Variants in MEGF8 observed in about 807,000 individuals in gnomAD.
The protein encoded by MEGF8 is multiple epidermal growth factor-like domains protein 8.
In MEGF8, 156 loss-of-function variants were observed where a neutral mutation model predicts 302.9. That is an observed-to-expected ratio of 0.52 (90% CI 0.45 to 0.59). The LOEUF (loss-of-function observed/expected upper bound fraction) is 0.59. MEGF8 is among the 20% of genes least tolerant of loss of function. The pLI is 0.00. For synonymous variants in MEGF8, 1,621 were observed against 1,660.5 expected (o/e 0.98, Z 0.58); for missense variants, 3,345 against 3,964.5 (o/e 0.84, Z 4.20).
chr19:42,377,649 T>C lies in MEGF8; in HGVS notation c.*874T>C, dbSNP rs1370155296. On this transcript the variant is annotated 3_prime_UTR_variant, in exon 42 of 42. Transcript: ENST00000251268. ...TAAAAATACAAAAATTAGCTGGGCA[T>C]GGTGGCACACACTTGTAGTCCGAGC... The C allele has an allele frequency of 6.6e-6, 1 of 152,234 alleles. No individual in the cohort carries two copies. Among genetic ancestry groups the C allele is most frequent in the Non-Finnish European group, 1.5e-5 (1 of 68,142 alleles). 9.4% of individuals were successfully genotyped at this position (152,234 alleles called of 1,614,324 possible). A position where few individuals can be genotyped will look rare whatever the true frequency, so the allele number is the denominator to read the frequency against.
intron 31 of MEGF8, 74 bp downstream of exon 31, chr19:42,359,316 A>C: frequency 7.3e-7 from 1 of 1,376,392 alleles, no homozygotes; most frequent in South Asian, 1.7e-5. Flanking sequence ...TGGGACTCCC[A>C]CTCCTTAGGA....
chr19:42,363,255 T>G lies in MEGF8; in HGVS notation c.6266T>G (p.Leu2089Arg). 6.3e-7 allele frequency: 1 copy of G among 1,594,178 alleles called. No homozygotes were observed. The change falls in exon 35 of 42, where the codon CTG becomes CGG. Residue 2089 changes from leucine (L) to arginine (R), a missense_variant. By Grantham distance (102) the Leu-to-Arg change is moderately radical (BLOSUM62 -2). Coordinates refer to ENST00000251268, the MANE Select transcript of MEGF8 (RefSeq NM_001271938.2). ...GWQHCVWSSSLQQCLSPSYLP... is the reference protein window; with the variant it reads ...GWQHCVWSSSRQQCLSPSYLP... The stretch of plus-strand genomic sequence containing the variant: ...CAGCACTGTGTTTGGAGCAGCAGCC[T>G]GCAGCAGGTACTGCACCTGGCCAGG...
At chr19:42,341,620 T>C (rs947192318) in intron 8 of MEGF8, among the ~76,000 whole-genome samples, 3 of 152,138 alleles carry the variant, frequency 2.0e-5, no homozygotes, top group Admixed American at 1.3e-4. Context: ...AAAATATTTT[T>C]GTTTTTTAGA....
chr19:42,335,070 G>A lies in MEGF8; in HGVS notation c.594G>A (p.Leu198=), dbSNP rs746838623. The change falls in exon 4 of 42, where the codon TTG becomes TTA. Residue 198 remains leucine, a synonymous_variant. Transcript: ENST00000251268. ...CATGCCGCTGTGAGCCTGGCTTCTT[G>A]GGACGTGCCTGTGACCTGCACCTGT... ...LGPCRCEPGF[L]GRACDLHLWE... is the part of the protein sequence containing the mutation. 6.2e-7 allele frequency: 1 copy of A among 1,613,642 alleles called. No individual in the cohort carries two copies. Among genetic ancestry groups the A allele is most frequent in the South Asian group, 1.1e-5 (1 of 91,064 alleles).
In MEGF8 at chr19:42,368,020, CA is replaced by C. The variant is rs1473613434; in HGVS notation, c.6274-429del. 2.0e-5 allele frequency among the ~76,000 whole-genome samples: 3 copies of C among 152,102 alleles called. No individual in the cohort carries two copies. Among genetic ancestry groups the C allele is most frequent in the Non-Finnish European group, 2.9e-5 (2 of 68,020 alleles). ...CATTGCAGCCTCAAACTCCCGGGCT[CA>C]AAAAATCCTACCTCAGCCCCCCAGG... is the stretch of plus-strand genomic sequence containing the variant. On this transcript the variant is annotated intron_variant, in intron 35 of 41. Coordinates refer to ENST00000251268, the MANE Select transcript of MEGF8 (RefSeq NM_001271938.2). This position sits in a 1 kb window ranked among gnomAD's most constrained non-coding sequence, Gnocchi z 4.9.
rs769985720 is a variant in MEGF8, at chr19:42,351,179, A to C, written c.2737-37A>C. ...ACTGGGAGTCCAAAGGAAAGGGCTGAGTGGGGTTCTGACTCCTCTGCCCAA... is the reference window on the plus strand; with the variant it reads ...ACTGGGAGTCCAAAGGAAAGGGCTGCGTGGGGTTCTGACTCCTCTGCCCAA... On this transcript the variant is annotated intron_variant, in intron 15 of 41. Transcript: ENST00000251268. The surrounding 1 kb of genome is among the most constrained non-coding windows in gnomAD (Gnocchi z 5.6). The C allele has an allele frequency of 3.3e-5, 51 of 1,527,860 alleles. No homozygotes were observed. The highest frequency in any genetic ancestry group is 4.5e-5 in the Non-Finnish European group (51 of 1,127,836). The allele number at this position is 1,527,860 out of a possible 1,614,324, so 94.6% of individuals were successfully genotyped here. A position where few individuals can be genotyped will look rare whatever the true frequency, so the allele number is the denominator to read the frequency against.
At chr19:42,337,279 C>T in intron 8 of MEGF8, 73 bp downstream of exon 8, 1 of 1,596,696 alleles carries the variant, frequency 6.3e-7, no homozygotes, top group Non-Finnish European at 8.5e-7. Context: ...TGGGCTCAAG[C>T]CACCTCAGTC....
At chr19:42,349,794 C>T (rs2039342584) in intron 14 of MEGF8, 95 bp downstream of exon 14, 1 of 1,342,204 alleles carries the variant, frequency 7.5e-7, no homozygotes, top group South Asian at 1.3e-5. Flanking sequence ...TCTGAAATCC[C>T]TAGATTCTGG....
At position 42,357,407 on chromosome 19, in the gene MEGF8, C is replaced by T. The variant is rs746827747; in HGVS notation, c.4834C>T (p.Pro1612Ser). 5.0e-6 allele frequency: 8 copies of T among 1,613,056 alleles called. No homozygotes were observed. In the South Asian group the frequency reaches 7.7e-5, roughly 16 times the overall value. Residue 1612 changes from proline (P) to serine (S), a missense_variant, in exon 28 of 42, where the codon CCC (proline) becomes TCC (serine). Physicochemically the swap from Pro to Ser is moderately conservative, Grantham distance 74. Coordinates refer to ENST00000251268, the MANE Select transcript of MEGF8 (RefSeq NM_001271938.2). This position sits in a 1 kb window ranked among gnomAD's most constrained non-coding sequence, Gnocchi z 5.2. ...ACCTTGCCCCTCCATCCCTCAGGCC[C>T]CCCAGACCGTGGAGCTGCCAGCCGT... is the stretch of plus-strand genomic sequence containing the variant. ...TTLQWRQEKA[P>S]QTVELPAVAG...
chr19:42,337,237 C>T, intron 8 of MEGF8, 31 bp downstream of exon 8: 1 of 1,612,056 alleles, frequency 6.2e-7, no homozygotes. Context: ...CCTAGGGGCT[C>T]CTGAGGGTCC....
In MEGF8 at chr19:42,351,633, C is replaced by A; in HGVS notation, c.2988-15C>A. On this transcript the variant is annotated splice_polypyrimidine_tract_variant and intron_variant, in intron 17 of 41. Coordinates refer to ENST00000251268, the MANE Select transcript of MEGF8 (RefSeq NM_001271938.2). The surrounding 1 kb of genome is among the most constrained non-coding windows in gnomAD (Gnocchi z 5.6). ...AGGGGCTGGGGCTCTGACCCCCACC[C>A]CTGCCATCCTGCAGTGTACACTCGG... 1 of 1,590,206 alleles carries A rather than the reference C, an allele frequency of 6.3e-7. No homozygotes were observed.
In MEGF8 at chr19:42,343,990, A is replaced by G; in HGVS notation, c.1705A>G (p.Ser569Gly). Residue 569 changes from serine to glycine, a missense_variant, in exon 10 of 42, where the codon AGC becomes GGC. Transcript: ENST00000251268. ...CTACTGCTCCATGTACACAGACCAC[A>G]GCGTCTGCTCCCGGGACCCGGAATG... ...LDYCSMYTDH[S>G]VCSRDPECSW... 6.2e-7 allele frequency: 1 copy of G among 1,613,704 alleles called. No individual in the cohort carries two copies. Among genetic ancestry groups the G allele is most frequent in the South Asian group, 1.1e-5 (1 of 91,078 alleles).
At chr19:42,372,680 A>C (rs2039708935) in intron 41 of MEGF8, among the ~76,000 whole-genome samples, 1 of 151,594 alleles carries the variant, frequency 6.6e-6, no homozygotes, top group Non-Finnish European at 1.5e-5. Context: ...AATTTAATTT[A>C]ATTTTTTTTG....
chr19:42,356,762 C>T lies in MEGF8; in HGVS notation c.4623-12C>T, dbSNP rs1289693306. 2 of 1,537,982 alleles carry T rather than the reference C, an allele frequency of 1.3e-6. No individual in the cohort carries two copies. The highest frequency in any genetic ancestry group is 2.4e-5 in the South Asian group (2 of 82,718). On this transcript the variant is annotated splice_polypyrimidine_tract_variant and intron_variant, in intron 26 of 41. Coordinates refer to ENST00000251268, the MANE Select transcript of MEGF8 (RefSeq NM_001271938.2). This position sits in a 1 kb window ranked among gnomAD's most constrained non-coding sequence, Gnocchi z 5.2. The stretch of plus-strand genomic sequence containing the variant: ...ACTGTAATGAGGCTGCTTTTTTGCA[C>T]CCTGGCCCCAGGTACTCAGTGAGTG...
At chr19:42,342,972 C>T (rs998235997) in intron 8 of MEGF8, among the ~76,000 whole-genome samples, 1 of 152,148 alleles carries the variant, frequency 6.6e-6, no homozygotes, top group South Asian at 2.1e-4. Context: ...CTAAGTCTCA[C>T]AGATTGGGAA....
Position 42,336,036 on chromosome 19 carries a change from C to T in MEGF8, c.934C>T (p.Pro312Ser). 6.4e-7 allele frequency: 1 copy of T among 1,571,390 alleles called. No individual in the cohort carries two copies. The highest frequency in any genetic ancestry group is 8.6e-7 in the Non-Finnish European group (1 of 1,162,318). The change falls in exon 6 of 42, where the codon CCA becomes TCA. Residue 312 changes from proline to serine, a missense_variant. Physicochemically the swap from Pro to Ser is moderately conservative, Grantham distance 74 (BLOSUM62 -1). Transcript: ENST00000251268. This position sits in a 1 kb window ranked among gnomAD's most constrained non-coding sequence, Gnocchi z 4.8. The part of the protein sequence containing the change: ...SLTNDVWAFS[P>S]LGRGHWELLA... ...CACCAACGACGTGTGGGCCTTCAGT[C>T]CACTGGGCAGGGGCCACTGGGAGCT...
In MEGF8 at chr19:42,353,498, G is replaced by A. The variant is rs779749950; in HGVS notation, c.3584G>A (p.Arg1195Gln). The change falls in exon 21 of 42, where the codon CGG becomes CAG. Residue 1195 changes from arginine to glutamine, a missense_variant. Physicochemically the swap from Arg to Gln is conservative, Grantham distance 43. Transcript: ENST00000251268. This position sits in a 1 kb window ranked among gnomAD's most constrained non-coding sequence, Gnocchi z 6.1. ...WTWGEHCERC[R>Q]PGSFGNATGS... is the part of the protein sequence containing the mutation. ...TGGGGGGAGCACTGCGAACGATGCC[G>A]GCCCGGCAGCTTCGGCAACGCCACA... 9.3e-6 allele frequency: 15 copies of A among 1,610,748 alleles called. No individual in the cohort carries two copies. The highest frequency in any genetic ancestry group is 3.6e-4 in the Middle Eastern group (2 of 5,598).
At chr19:42,363,931 C>T (rs1400949843) in intron 35 of MEGF8, among the ~76,000 whole-genome samples, 1 of 152,178 alleles carries the variant, frequency 6.6e-6, no homozygotes, top group Non-Finnish European at 1.5e-5. Context: ...AGTCTAGATG[C>T]CTTCTAATTC....
At chr19:42,370,586 G>T in intron 39 of MEGF8, 115 bp from the exon 40 acceptor site, 1 of 1,248,578 alleles carries the variant, frequency 8.0e-7, no homozygotes, top group Non-Finnish European at 1.1e-6. Flanking sequence ...GAGGGGGTGG[G>T]AGCCTGGCCT....
Sources: gnomAD v4.1 joint callset for allele counts (sites outside exome capture counted in the v4.1 genomes callset) on GRCh38, gnomAD v4.1.1 for gene constraint, Gnocchi (gnomAD v3.1) non-coding constraint, MANE v1.5 for transcripts, NCBI Gene and HGNC (gene_info 2026-07-23, HGNC 2026-07-21) for gene names.